ZNF713: variants seen among roughly 807,000 people sequenced by gnomAD.
The protein encoded by ZNF713 is zinc finger protein 713.
ZNF713 carries 21 observed loss-of-function variants against 28.7 expected under a neutral mutation model. The observed-to-expected ratio is 0.73, with a 90% confidence interval of 0.52 to 1.05. The LOEUF (loss-of-function observed/expected upper bound fraction) is 1.05, where lower values mean the gene tolerates loss of function less well. ZNF713 is among the 50% of genes least tolerant of loss of function. The probability of loss-of-function intolerance (pLI) is 0.00; values close to 1 mark genes in which losing one functional copy is unlikely to be tolerated. For missense variants in ZNF713, 458 were observed against 532.4 expected, an observed-to-expected ratio of 0.86 and a Z score of 1.37; for synonymous variants, 167 against 178.0, an observed-to-expected ratio of 0.94 and a Z score of 0.49.
intron 2 of ZNF713, among the ~76,000 whole-genome samples, chr7:55,908,089 G>A (rs537052450): frequency 6.8e-6 from 1 of 146,688 alleles, no homozygotes; most frequent in Admixed American, 6.8e-5. Flanking sequence ...CACCAGCAGT[G>A]TATACATGTT....
rs1466793262 is a variant in ZNF713 at position 55,911,876 on chromosome 7, G to T, written c.-195G>T. ...CAGAGATGGGGCACCTTTAGTACCA[G>T]GGGAGTGACTGTTGCCCATAAGGTA... On this transcript the variant is annotated 5_prime_UTR_variant, in exon 3 of 7. In the 5' UTR this introduces an upstream ATG that the reference lacks. Coordinates refer to ENST00000429591, the MANE Select transcript of ZNF713 (RefSeq NM_182633.3). The T allele has an allele frequency of 6.6e-6, 1 of 152,130 alleles. No individual in the cohort carries two copies. The highest frequency in any genetic ancestry group is 1.5e-5 in the Non-Finnish European group (1 of 68,028). 9.4% of individuals were successfully genotyped at this position (152,130 alleles called of 1,614,324 possible). A position where few individuals can be genotyped will look rare whatever the true frequency, so the allele number is the denominator to read the frequency against.
At chr7:55,935,284 A>C (rs1400277056) in intron 6 of ZNF713, among the ~76,000 whole-genome samples, 3 of 152,192 alleles carry the variant, frequency 2.0e-5, no homozygotes, top group Non-Finnish European at 4.4e-5. Context: ...GAAATAGCAA[A>C]GAAAATTGGA....
intron 1 of ZNF713, among the ~76,000 whole-genome samples, chr7:55,897,580 C>T (rs1303179635): frequency 1.3e-5 from 2 of 152,090 alleles, no homozygotes; most frequent in East Asian, 1.9e-4. Flanking sequence ...TGAGCCACTG[C>T]GTCCATCTGT....
chr7:55,892,520 C>T (rs1205918218), intron 1 of ZNF713, among the ~76,000 whole-genome samples: 1 of 115,466 alleles, frequency 8.7e-6, no homozygotes, highest in Non-Finnish European at 1.7e-5. Flanking sequence ...ATAACTTCCC[C>T]TTTGCCCTCT....
rs1171722966 is a variant in ZNF713, at chr7:55,887,874, C to A, written c.-583+194C>A. ...GGCGGCGGGCGGCGGGCGGCGGCGGCGGCGGCGGCGGCGGGCGGCGGCGGC... is the reference window on the plus strand; with the variant it reads ...GGCGGCGGGCGGCGGGCGGCGGCGGAGGCGGCGGCGGCGGGCGGCGGCGGC... On this transcript the variant is annotated intron_variant, in intron 1 of 6. Transcript: ENST00000429591. Among the ~76,000 whole-genome samples, 41 of 7,842 alleles carry A rather than the reference C, an allele frequency of 5.2e-3. 5 individuals carry two copies. In the East Asian group the frequency reaches 0.074, roughly 14 times the overall value. The allele number at this position is 7,842 out of a possible 152,430, so 5.1% of individuals were successfully genotyped here. A position where few individuals can be genotyped will look rare whatever the true frequency, so the allele number is the denominator to read the frequency against.
intron 6 of ZNF713, 31 bp from the exon 7 acceptor site, chr7:55,938,951 A>G (rs1210759943): frequency 2.6e-6 from 4 of 1,534,972 alleles, no homozygotes; most frequent in Non-Finnish European, 2.6e-6. Flanking sequence ...AGAATATTGG[A>G]AAGTATTTGT....
At chr7:55,923,737 GA>G in intron 6 of ZNF713, 38 bp downstream of exon 6, 2 of 1,538,212 alleles carry the variant, frequency 1.3e-6, no homozygotes, top group African/African-American at 1.4e-5. Context: ...CTTAATGAGG[GA>G]AAACAGCCAC....
At chr7:55,916,135 A>G (rs1379590331) in intron 4 of ZNF713, among the ~76,000 whole-genome samples, 3 of 152,248 alleles carry the variant, frequency 2.0e-5, no homozygotes, top group African/African-American at 7.2e-5. Context: ...ATGGTAAATC[A>G]GATCATGTCA....
chr7:55,898,693 T>C (rs1265426330), intron 1 of ZNF713, among the ~76,000 whole-genome samples: 1 of 152,012 alleles, frequency 6.6e-6, no homozygotes, highest in African/African-American at 2.4e-5. Flanking sequence ...AGGACTAATA[T>C]CCAAAATATA....
intron 4 of ZNF713, among the ~76,000 whole-genome samples, chr7:55,922,445 G>A (rs76968692): frequency 0.18 from 27,377 of 151,490 alleles, 3,008 homozygotes; most frequent in East Asian, 0.35. Flanking sequence ...GGCTGAGGCA[G>A]GACAATTGCT....
chr7:55,926,363 C>T (rs946001660), intron 6 of ZNF713, among the ~76,000 whole-genome samples: 1 of 152,114 alleles, frequency 6.6e-6, no homozygotes, highest in African/African-American at 2.4e-5. Flanking sequence ...TATGTGGATG[C>T]CCAAGGCTCT....
chr7:55,934,672 G>GT, intron 6 of ZNF713, among the ~76,000 whole-genome samples: 1 of 152,016 alleles, frequency 6.6e-6, no homozygotes, highest in African/African-American at 2.4e-5. Flanking sequence ...ACCTGGCTGT[G>GT]TTTTTTGTAT....
At chr7:55,895,089 G>C (rs1025987220) in intron 1 of ZNF713, among the ~76,000 whole-genome samples, 1 of 152,152 alleles carries the variant, frequency 6.6e-6, no homozygotes, top group African/African-American at 2.4e-5. Flanking sequence ...TTCCATGGTA[G>C]AGAGGGGTAT....
intron 4 of ZNF713, chr7:55,918,122 G>T (rs1213331260): frequency 2.2e-6 from 1 of 456,706 alleles, no homozygotes; most frequent in Admixed American, 2.3e-5. Flanking sequence ...TTTCAAGGCA[G>T]ATCATAAATG....
intron 6 of ZNF713, among the ~76,000 whole-genome samples, chr7:55,936,636 G>T (rs1416173266): frequency 2.0e-5 from 3 of 152,164 alleles, no homozygotes; most frequent in African/African-American, 7.2e-5. Flanking sequence ...CCAAGACCAG[G>T]AAGAGATGAC....
At chr7:55,889,249 A>G (rs1022734902) in intron 1 of ZNF713, among the ~76,000 whole-genome samples, 9 of 152,070 alleles carry the variant, frequency 5.9e-5, no homozygotes, top group Non-Finnish European at 4.4e-5. Flanking sequence ...TTACAGGCAC[A>G]TGCCACCACA....
chr7:55,936,937 T>C (rs1333693826), intron 6 of ZNF713, among the ~76,000 whole-genome samples: 1 of 152,116 alleles, frequency 6.6e-6, no homozygotes, highest in Admixed American at 6.6e-5. Context: ...CACTCCGCCA[T>C]ACAAAAACGA....
intron 1 of ZNF713, among the ~76,000 whole-genome samples, chr7:55,893,856 A>G (rs1025721294): frequency 6.6e-5 from 10 of 152,202 alleles, no homozygotes; most frequent in Non-Finnish European, 1.2e-4. Flanking sequence ...CTGGGATTAC[A>G]GGCATGAGCC....
intron 4 of ZNF713, among the ~76,000 whole-genome samples, chr7:55,914,221 C>G (rs1442402229): frequency 6.6e-6 from 1 of 151,944 alleles, no homozygotes; most frequent in Non-Finnish European, 1.5e-5. Context: ...TTATGGATCG[C>G]TAGTTTAGCC....
Sources: allele counts gnomAD v4.1 joint callset (sites outside exome capture counted in the v4.1 genomes callset), GRCh38; gene constraint gnomAD v4.1.1; transcripts MANE v1.5; gene names NCBI Gene and HGNC (gene_info 2026-07-23, HGNC 2026-07-21).